Variants in TXNRD1 observed in about 807,000 individuals in gnomAD.
TXNRD1 encodes thioredoxin reductase 1, cytoplasmic.
Under a neutral mutation model 80.3 loss-of-function variants are expected in TXNRD1, and 57 were observed. That is an observed-to-expected ratio of 0.71 (90% confidence interval 0.57 to 0.89). The LOEUF (loss-of-function observed/expected upper bound fraction) is 0.89, where lower values mean the gene tolerates loss of function less well. Ranked by LOEUF, TXNRD1 falls within the 40% of genes least tolerant of loss-of-function variation. TXNRD1 has a pLI of 0.00. For synonymous variants in TXNRD1, 291 were observed against 285.2 expected, an observed-to-expected ratio of 1.02 and a Z score of -0.20; for missense variants, 730 against 803.0, an observed-to-expected ratio of 0.91 and a Z score of 1.10.
chr12:104,323,357 T>C (rs2135838278), intron 10 of TXNRD1, among the ~76,000 whole-genome samples: 1 of 150,498 alleles, frequency 6.6e-6, no homozygotes, highest in African/African-American at 2.4e-5. Flanking sequence ...GCAGAGGGGC[T>C]CCTCACTTCC....
At chr12:104,266,741 A>G (rs949987895) in intron 3 of TXNRD1, among the ~76,000 whole-genome samples, 3 of 152,076 alleles carry the variant, frequency 2.0e-5, no homozygotes, top group African/African-American at 7.2e-5. Context: ...AGGCGAGCGG[A>G]TCACGAGGTC....
chr12:104,296,845 TTGTC>T (rs1248892739), intron 4 of TXNRD1, among the ~76,000 whole-genome samples: 3 of 152,238 alleles, frequency 2.0e-5, no homozygotes, highest in African/African-American at 7.2e-5. Flanking sequence ...GACAGCAACA[TTGTC>T]TGCCTTCAGC....
At chr12:104,265,939 G>T in intron 3 of TXNRD1, 1 of 596,122 alleles carries the variant, frequency 1.7e-6, no homozygotes, top group Non-Finnish European at 2.7e-6. Flanking sequence ...AACTGAGCCA[G>T]TCCCACACAA....
At chr12:104,319,638 C>T (rs1362250873) in intron 9 of TXNRD1, 53 bp downstream of exon 9, 20 of 1,340,520 alleles carry the variant, frequency 1.5e-5, no homozygotes, top group Admixed American at 2.2e-5. Context: ...ATATTGCTTT[C>T]GCATTTTTCT....
intron 16 of TXNRD1, among the ~76,000 whole-genome samples, chr12:104,346,356 C>T (rs1187469621): frequency 1.3e-5 from 2 of 152,064 alleles, no homozygotes; most frequent in Non-Finnish European, 2.9e-5. Context: ...TTGGCTTCCT[C>T]CATCTTTTTA....
intron 15 of TXNRD1, among the ~76,000 whole-genome samples, chr12:104,338,091 C>T (rs1216344403): frequency 6.6e-6 from 1 of 151,366 alleles, no homozygotes; most frequent in Admixed American, 6.6e-5. Flanking sequence ...CTATGATGCC[C>T]AGTCAAAATT....
chr12:104,238,641 G>C (rs765175343), intron 1 of TXNRD1, among the ~76,000 whole-genome samples: 8 of 152,046 alleles, frequency 5.3e-5, no homozygotes, highest in African/African-American at 1.4e-4. Context: ...TGAAATAACT[G>C]TGTGGTTTTC....
intron 3 of TXNRD1, among the ~76,000 whole-genome samples, chr12:104,277,434 G>T (rs2033780290): frequency 6.6e-6 from 1 of 151,522 alleles, no homozygotes; most frequent in Non-Finnish European, 1.5e-5. Flanking sequence ...GCACGGTAGT[G>T]TGTGCCTCTG....
intron 1 of TXNRD1, among the ~76,000 whole-genome samples, chr12:104,239,440 C>T (rs1481285743): frequency 1.3e-5 from 2 of 152,198 alleles, no homozygotes; most frequent in African/African-American, 4.8e-5. Context: ...GATGATCCTC[C>T]TGCCTCGGCC....
chr12:104,283,431 T>C (rs980082117), intron 3 of TXNRD1, among the ~76,000 whole-genome samples: 1 of 151,988 alleles, frequency 6.6e-6, no homozygotes, highest in Non-Finnish European at 1.5e-5. Context: ...TTTGTATTTT[T>C]AGTAGAGACG....
intron 4 of TXNRD1, chr12:104,304,848 G>T: frequency 6.2e-7 from 1 of 1,613,964 alleles, no homozygotes. Flanking sequence ...AGGAAACAGG[G>T]AGTTATATCT....
intron 1 of TXNRD1, among the ~76,000 whole-genome samples, chr12:104,220,121 G>A (rs970169136): frequency 2.0e-5 from 3 of 152,150 alleles, no homozygotes; most frequent in Non-Finnish European, 4.4e-5. Context: ...TAGCAATGGG[G>A]CTGAGGCTGG....
intron 1 of TXNRD1, among the ~76,000 whole-genome samples, chr12:104,250,088 A>G (rs1310987019): frequency 1.3e-5 from 2 of 152,198 alleles, no homozygotes; most frequent in African/African-American, 4.8e-5. Context: ...ACTGGTTAAA[A>G]GCATGGGCGC....
chr12:104,264,738 T>C (rs1411688470), intron 3 of TXNRD1, among the ~76,000 whole-genome samples: 1 of 152,222 alleles, frequency 6.6e-6, no homozygotes, highest in Non-Finnish European at 1.5e-5. Flanking sequence ...GGACAGTCTA[T>C]TGCCAATTTT....
chr12:104,250,605 C>T (rs1363873288), intron 1 of TXNRD1, among the ~76,000 whole-genome samples: 1 of 152,090 alleles, frequency 6.6e-6, no homozygotes, highest in Non-Finnish European at 1.5e-5. Flanking sequence ...TAGCAGTGCC[C>T]ACCTAACGAT....
intron 1 of TXNRD1, among the ~76,000 whole-genome samples, chr12:104,246,360 G>A (rs1411506597): frequency 6.6e-5 from 10 of 150,610 alleles, no homozygotes; most frequent in African/African-American, 4.9e-5. Flanking sequence ...CCTGGGAGGC[G>A]GAACTTGCAG....
intron 3 of TXNRD1, among the ~76,000 whole-genome samples, chr12:104,268,007 G>A (rs1446900064): frequency 2.0e-5 from 3 of 150,820 alleles, no homozygotes; most frequent in African/African-American, 4.9e-5. Context: ...CTGCCACCAC[G>A]CCAGGCTAAT....
At chr12:104,326,743 T>C (rs2035780041) in intron 12 of TXNRD1, among the ~76,000 whole-genome samples, 1 of 151,744 alleles carries the variant, frequency 6.6e-6, no homozygotes, top group African/African-American at 2.4e-5. Context: ...TGGGATTACA[T>C]GTGTGAGCCA....
At chr12:104,242,327 A>G (rs1156685905) in intron 1 of TXNRD1, among the ~76,000 whole-genome samples, 1 of 151,460 alleles carries the variant, frequency 6.6e-6, no homozygotes. Flanking sequence ...AGGCGGGTGG[A>G]TCATGAGGTC....
Sources: allele counts gnomAD v4.1 joint callset (sites outside exome capture counted in the v4.1 genomes callset), GRCh38; gene constraint gnomAD v4.1.1; transcripts MANE v1.5; gene names NCBI Gene and HGNC (gene_info 2026-07-23, HGNC 2026-07-21).